PEBP4: variants seen among roughly 807,000 people sequenced by gnomAD.
PEBP4 encodes phosphatidylethanolamine binding protein 4, also known as phosphatidylethanolamine-binding protein 4.
In PEBP4, 22 loss-of-function variants were observed where a neutral mutation model predicts 23.9. The observed-to-expected ratio is 0.92, with a 90% confidence interval of 0.66 to 1.31. The LOEUF (loss-of-function observed/expected upper bound fraction) is 1.31, where lower values mean the gene tolerates loss of function less well. PEBP4 is among the 40% of genes most tolerant of loss of function. The probability of loss-of-function intolerance (pLI) is 0.00; values close to 1 mark genes in which losing one functional copy is unlikely to be tolerated. For synonymous variants in PEBP4, 112 were observed against 99.3 expected (o/e 1.13, Z -0.76); for missense variants, 324 against 281.7 (o/e 1.15, Z -1.07).
intron 1 of PEBP4, among the ~76,000 whole-genome samples, chr8:22,940,073 C>G (rs1319621148): frequency 6.6e-6 from 1 of 152,206 alleles, no homozygotes. Context: ...TTTTGTCCAT[C>G]TGGTGGAGGT....
At chr8:22,829,735 T>C (rs1807041328) in intron 3 of PEBP4, among the ~76,000 whole-genome samples, 1 of 152,184 alleles carries the variant, frequency 6.6e-6, no homozygotes, top group South Asian at 2.1e-4. Flanking sequence ...ACCAAGTCTC[T>C]TTCATCTTTA....
intron 3 of PEBP4, among the ~76,000 whole-genome samples, chr8:22,837,531 T>A (rs556133815): frequency 2.0e-5 from 3 of 152,328 alleles, no homozygotes; most frequent in Non-Finnish European, 4.4e-5. Flanking sequence ...CTTCATAACC[T>A]GGCATCTGTG....
In PEBP4 at chr8:22,927,730, A is replaced by G. The variant is rs763960082; in HGVS notation, c.-6-10T>C. The G allele has an allele frequency of 1.2e-6, 2 of 1,613,202 alleles. No individual in the cohort carries two copies. The highest frequency in any genetic ancestry group is 3.3e-5 in the Admixed American group (2 of 59,848). ...TCCAACCCATGGGCACCTGGAACAG[A>G]AAGAACTTTAGAGCGGCTGGATCCC... On this transcript the variant is annotated splice_polypyrimidine_tract_variant and intron_variant, in intron 1 of 6. Coordinates refer to ENST00000256404, the MANE Select transcript of PEBP4 (RefSeq NM_144962.3).
chr8:22,773,798 G>T (rs777490081), intron 4 of PEBP4, among the ~76,000 whole-genome samples: 50 of 152,166 alleles, frequency 3.3e-4, no homozygotes, highest in Non-Finnish European at 5.1e-4. Context: ...AGGGTTGCTT[G>T]CTGTTCCAAC....
chr8:22,916,577 T>C (rs1809077340), intron 3 of PEBP4, among the ~76,000 whole-genome samples: 1 of 152,172 alleles, frequency 6.6e-6, no homozygotes, highest in Admixed American at 6.5e-5. Context: ...CTTCAACAGA[T>C]GCTGAAAGGG....
intron 2 of PEBP4, among the ~76,000 whole-genome samples, chr8:22,921,562 G>A (rs1413929669): frequency 6.6e-6 from 1 of 152,184 alleles, no homozygotes; most frequent in Non-Finnish European, 1.5e-5. Flanking sequence ...CCAGCCTTGG[G>A]CAAAAGGCCG....
At chr8:22,766,368 G>C (rs1359803305) in intron 4 of PEBP4, among the ~76,000 whole-genome samples, 2 of 152,214 alleles carry the variant, frequency 1.3e-5, no homozygotes, top group Non-Finnish European at 2.9e-5. Context: ...TGACCTCACG[G>C]AGCTGGCAGC....
At chr8:22,781,309 A>G (rs1353265889) in intron 4 of PEBP4, among the ~76,000 whole-genome samples, 1 of 148,240 alleles carries the variant, frequency 6.7e-6, no homozygotes, top group Non-Finnish European at 1.5e-5. Context: ...CGGAGGGGGA[A>G]GGGGCTGGTG....
chr8:22,783,407 A>G (rs1331680694), intron 4 of PEBP4, among the ~76,000 whole-genome samples: 1 of 152,108 alleles, frequency 6.6e-6, no homozygotes, highest in Non-Finnish European at 1.5e-5. Context: ...CGACTTCCTC[A>G]CTGGATGCTT....
intron 4 of PEBP4, among the ~76,000 whole-genome samples, chr8:22,728,658 T>C (rs1804674159): frequency 6.6e-6 from 1 of 150,590 alleles, no homozygotes; most frequent in Admixed American, 6.6e-5. Context: ...AGTGCAGTGG[T>C]ACGATCTTAG....
chr8:22,742,087 G>T (rs1805006879), intron 4 of PEBP4, among the ~76,000 whole-genome samples: 1 of 152,186 alleles, frequency 6.6e-6, no homozygotes, highest in Admixed American at 6.5e-5. Context: ...GGCCTTCAGA[G>T]GCCTTCCTCT....
At chr8:22,848,483 G>A (rs546200369) in intron 3 of PEBP4, among the ~76,000 whole-genome samples, 203 of 152,060 alleles carry the variant, frequency 1.3e-3, no homozygotes, top group Non-Finnish European at 2.1e-3. Flanking sequence ...GGGAAGTTGT[G>A]TGTGTGCATG....
At chr8:22,845,790 T>C (rs1585303745) in intron 3 of PEBP4, among the ~76,000 whole-genome samples, 1 of 152,250 alleles carries the variant, frequency 6.6e-6, no homozygotes, top group Non-Finnish European at 1.5e-5. Flanking sequence ...TCAGGCATTA[T>C]TGGTTTAGAA....
intron 4 of PEBP4, among the ~76,000 whole-genome samples, chr8:22,791,002 T>C (rs1806125497): frequency 6.6e-6 from 1 of 152,178 alleles, no homozygotes; most frequent in Non-Finnish European, 1.5e-5. Flanking sequence ...ACTTTATTTC[T>C]GAGGGGAGGT....
intron 3 of PEBP4, among the ~76,000 whole-genome samples, chr8:22,858,186 G>A (rs185487027): frequency 1.2e-4 from 19 of 152,262 alleles, no homozygotes; most frequent in Middle Eastern, 3.4e-3. Flanking sequence ...GGATAGTGTG[G>A]GTGTTGAAAT....
chr8:22,878,984 G>A lies in PEBP4; in HGVS notation c.258+41200C>T, dbSNP rs188741756. Among the ~76,000 whole-genome samples the A allele has an allele frequency of 4.6e-5, 7 of 152,272 alleles. No homozygotes were observed. In the East Asian group the frequency reaches 9.6e-4, roughly 21 times the overall value. Reference sequence around the variant, plus strand: ...TCCCAGCTTAGCGTGGCTATGGGGCGGGTGGTATCTCCTCTGTGTTCCTTC... The same window carrying A: ...TCCCAGCTTAGCGTGGCTATGGGGCAGGTGGTATCTCCTCTGTGTTCCTTC... On this transcript the variant is annotated intron_variant, in intron 3 of 6. Transcript: ENST00000256404.
intron 6 of PEBP4, among the ~76,000 whole-genome samples, chr8:22,720,518 G>T (rs1804497244): frequency 6.6e-6 from 1 of 152,250 alleles, no homozygotes; most frequent in African/African-American, 2.4e-5. Context: ...AATGAAATCT[G>T]CCTGGAAGGA....
In PEBP4 at chr8:22,713,521, T is replaced by C; in HGVS notation, c.533A>G (p.Asp178Gly). 2 of 1,614,086 alleles carry C rather than the reference T, an allele frequency of 1.2e-6. No homozygotes were observed. Among genetic ancestry groups the C allele is most frequent in the African/African-American group, 1.3e-5 (1 of 75,030 alleles). ...CAGGTGGAAACGGTTCAGAAATCTGTCCATTTTCCAAGAGCCTGGAAGGAC... is the reference window on the plus strand; with the variant it reads ...CAGGTGGAAACGGTTCAGAAATCTGCCCATTTTCCAAGAGCCTGGAAGGAC... ...ENKTRGSWKMDRFLNRFHLGE... is the reference protein window; with the variant it reads ...ENKTRGSWKMGRFLNRFHLGE... Residue 178 changes from aspartate to glycine, a missense_variant, in exon 7 of 7, where the codon GAC (aspartate) becomes GGC (glycine). Coordinates refer to ENST00000256404, the MANE Select transcript of PEBP4 (RefSeq NM_144962.3).
intron 4 of PEBP4, among the ~76,000 whole-genome samples, chr8:22,736,189 T>A (rs936603596): frequency 2.0e-5 from 3 of 152,162 alleles, no homozygotes; most frequent in African/African-American, 7.2e-5. Context: ...TGGAGCCACC[T>A]CCTTTTGACT....
Sources: gnomAD v4.1 joint callset for allele counts (sites outside exome capture counted in the v4.1 genomes callset) on GRCh38, gnomAD v4.1.1 for gene constraint, MANE v1.5 for transcripts, NCBI Gene and HGNC (gene_info 2026-07-23, HGNC 2026-07-21) for gene names.